Variants in CSF1R observed in about 807,000 individuals in gnomAD.
The protein encoded by CSF1R is colony stimulating factor 1 receptor.
Under a neutral mutation model 110.0 loss-of-function variants are expected in CSF1R, and 40 were observed. That is an observed-to-expected ratio of 0.36 (90% CI 0.28 to 0.47). The LOEUF is 0.47. CSF1R is among the 20% of genes least tolerant of loss of function. The probability of loss-of-function intolerance (pLI) is 0.99; values close to 1 mark genes in which losing one functional copy is unlikely to be tolerated. For synonymous variants in CSF1R, 523 were observed against 503.4 expected, an observed-to-expected ratio of 1.04 and a Z score of -0.52; for missense variants, 1,052 against 1,253.0, an observed-to-expected ratio of 0.84 and a Z score of 2.42.
chr5:150,078,429 A>G (rs1250092482), intron 3 of CSF1R, among the ~76,000 whole-genome samples, 181 bp from the exon 4 acceptor site: 1 of 151,810 alleles, frequency 6.6e-6, no homozygotes, highest in African/African-American at 2.4e-5. Context: ...TCCTAAAGAG[A>G]CCTTGGAAAG....
At chr5:150,070,684 C>T in intron 6 of CSF1R, 113 bp from the exon 7 acceptor site, 1 of 721,858 alleles carries the variant, frequency 1.4e-6, no homozygotes, top group Non-Finnish European at 2.1e-6. Context: ...GTAAAATATT[C>T]AGGGCCCAAC....
At chr5:150,084,447 GAA>G (rs1561946241) in intron 1 of CSF1R, among the ~76,000 whole-genome samples, 9 of 63,938 alleles carry the variant, frequency 1.4e-4, no homozygotes, top group Non-Finnish European at 2.2e-4. Flanking sequence ...AGGAAGGAAG[GAA>G]GGAAGGAAGA....
In CSF1R at chr5:150,078,161, C is replaced by T. The variant is rs912787749; in HGVS notation, c.680G>A (p.Ser227Asn). ...GEAAQIVCSA[S>N]SVDVNFDVFL... is the part of the protein sequence containing the mutation. ...GACATCAAAGTTAACATCAACGCTG[C>T]TGGCTGAGCACACGATCTGGGCAGC... Residue 227 changes from serine (S) to asparagine (N), a missense_variant, in exon 4 of 21, where the codon AGC becomes AAC. Ser to Asn is a conservative substitution (Grantham distance 46, BLOSUM62 1). Coordinates refer to ENST00000675795, the MANE Select transcript of CSF1R (RefSeq NM_001288705.3). 1 of 1,614,176 alleles carries T rather than the reference C, an allele frequency of 6.2e-7. No homozygotes were observed.
intron 10 of CSF1R, among the ~76,000 whole-genome samples, chr5:150,064,680 C>G (rs1757682642): frequency 6.6e-6 from 1 of 152,206 alleles, no homozygotes; most frequent in Non-Finnish European, 1.5e-5. Context: ...TCCTCTGTCC[C>G]TCTGCAGCTG....
chr5:150,109,082 T>G (rs1465336056), intron 1 of CSF1R, among the ~76,000 whole-genome samples: 1 of 92,408 alleles, frequency 1.1e-5, no homozygotes. Flanking sequence ...ACCCAAGAAA[T>G]TCCAGGAGCC....
chr5:150,111,009 C>A (rs1322574562), intron 1 of CSF1R, among the ~76,000 whole-genome samples: 2 of 151,400 alleles, frequency 1.3e-5, no homozygotes, highest in African/African-American at 4.9e-5. Flanking sequence ...ATGAGGTTCA[C>A]GTGAAGTTAT....
intron 12 of CSF1R, 67 bp from the exon 13 acceptor site, chr5:150,061,039 TGGG>T (rs1757491360): frequency 8.7e-7 from 1 of 1,149,180 alleles, no homozygotes; most frequent in Admixed American, 2.0e-5. Flanking sequence ...CACAGATACA[TGGG>T]GACCAAATGC....
Position 150,056,351 on chromosome 5 carries a change from A to G in CSF1R, c.2320-10T>C, listed in dbSNP as rs761879212. ...CGTCCCGGTGGATGCACTGAGGGAAAGCACTGCAGGGTTAGTCTTGGGCCT... is the reference window on the plus strand; with the variant it reads ...CGTCCCGGTGGATGCACTGAGGGAAGGCACTGCAGGGTTAGTCTTGGGCCT... On this transcript the variant is annotated splice_polypyrimidine_tract_variant and intron_variant, in intron 16 of 20. Coordinates refer to ENST00000675795, the MANE Select transcript of CSF1R (RefSeq NM_001288705.3). 5 of 1,614,126 alleles carry G rather than the reference A, an allele frequency of 3.1e-6. No individual in the cohort carries two copies. The South Asian group carries it at 4.4e-5, about 14-fold the overall frequency.
chr5:150,084,483 T>C (rs974384938), intron 1 of CSF1R, among the ~76,000 whole-genome samples: 8 of 149,048 alleles, frequency 5.4e-5, no homozygotes, highest in African/African-American at 2.0e-4. Flanking sequence ...GATGGAGTCT[T>C]GCTCTGTCGC....
intron 1 of CSF1R, among the ~76,000 whole-genome samples, chr5:150,085,277 G>GAAAA (rs70973563): frequency 1.6e-4 from 15 of 92,466 alleles, no homozygotes; most frequent in African/African-American, 7.2e-4. Context: ...TCTGTCTCAG[G>GAAAA]AAAAAAAAAA....
At chr5:150,069,136 G>A (rs1334741671) in intron 9 of CSF1R, among the ~76,000 whole-genome samples, 1 of 152,206 alleles carries the variant, frequency 6.6e-6, no homozygotes. Flanking sequence ...GCTCCTGCTT[G>A]CAGCTGGACC....
At position 150,075,370 on chromosome 5, in the gene CSF1R, T is replaced by C. The variant is rs560670653; in HGVS notation, c.890-1877A>G. Among the ~76,000 whole-genome samples, 14 of 152,250 alleles carry C rather than the reference T, an allele frequency of 9.2e-5. No individual in the cohort carries two copies. The South Asian group carries it at 2.9e-3, about 32-fold the overall frequency. On this transcript the variant is annotated intron_variant, in intron 5 of 20. Coordinates refer to ENST00000675795, the MANE Select transcript of CSF1R (RefSeq NM_001288705.3). Reference sequence around the variant, plus strand: ...CTCCTTTCATCTCACCTTCCCACTTTAGCTCTCTGACCTCATCTGAGACCA... The same window carrying C: ...CTCCTTTCATCTCACCTTCCCACTTCAGCTCTCTGACCTCATCTGAGACCA...
At chr5:150,054,919 G>A (rs1757130960) in intron 19 of CSF1R, 1 of 289,800 alleles carries the variant, frequency 3.5e-6, no homozygotes, top group African/African-American at 2.3e-5. Flanking sequence ...GAGCCCTGAA[G>A]ATTGAGGCTG....
chr5:150,095,338 A>G (rs1254316851), intron 1 of CSF1R, among the ~76,000 whole-genome samples: 1 of 152,186 alleles, frequency 6.6e-6, no homozygotes, highest in Non-Finnish European at 1.5e-5. Flanking sequence ...CATTCATCTC[A>G]AGGGCATATA....
At chr5:150,058,071 G>C in intron 14 of CSF1R, 1 of 376,608 alleles carries the variant, frequency 2.7e-6, no homozygotes, top group Non-Finnish European at 5.3e-6. Flanking sequence ...GGACAAAACA[G>C]TCATTCACAG....
chr5:150,091,214 G>A (rs1759027180), upstream of CSF1R, among the ~76,000 whole-genome samples: 1 of 152,164 alleles, frequency 6.6e-6, no homozygotes, highest in Non-Finnish European at 1.5e-5. Flanking sequence ...AGCTGCTATG[G>A]TAATCAGTTT....
intron 16 of CSF1R, 122 bp downstream of exon 16, chr5:150,057,165 A>G: frequency 1.3e-6 from 1 of 790,974 alleles, no homozygotes; most frequent in Non-Finnish European, 2.1e-6. Flanking sequence ...TGACTCTCTC[A>G]TACTCTGTCT....
chr5:150,098,393 AG>A (rs1449653001), intron 1 of CSF1R: 1 of 152,508 alleles, frequency 6.6e-6, no homozygotes, highest in Non-Finnish European at 1.5e-5. Flanking sequence ...AATCCATAAA[AG>A]AAAAAAAAAT....
intron 8 of CSF1R, 47 bp from the exon 9 acceptor site, chr5:150,070,110 A>G (rs1257250670): frequency 8.1e-6 from 13 of 1,609,278 alleles, no homozygotes; most frequent in Non-Finnish European, 1.1e-5. Flanking sequence ...TCCCAGCGCC[A>G]GCATGTCCCT....
Sources: allele counts gnomAD v4.1 joint callset (sites outside exome capture counted in the v4.1 genomes callset), GRCh38; gene constraint gnomAD v4.1.1; transcripts MANE v1.5; gene names NCBI Gene and HGNC (gene_info 2026-07-23, HGNC 2026-07-21).